Variants in LRIG1 observed in about 807,000 individuals in gnomAD.
LRIG1 encodes leucine rich repeats and immunoglobulin like domains 1, also known as leucine-rich repeats and immunoglobulin-like domains protein 1.
LRIG1 carries 48 observed loss-of-function variants against 99.2 expected under a neutral mutation model. That is an observed-to-expected ratio of 0.48 (90% confidence interval 0.38 to 0.62). The LOEUF is 0.62. Ranked by LOEUF, LRIG1 falls within the 20% of genes least tolerant of loss-of-function variation. The pLI, the probability that LRIG1 is intolerant of heterozygous loss-of-function variation, is 0.00. For synonymous variants in LRIG1, 772 were observed against 596.1 expected, an observed-to-expected ratio of 1.29 and a Z score of -4.30; for missense variants, 1,646 against 1,434.4, an observed-to-expected ratio of 1.15 and a Z score of -2.38.
intron 1 of LRIG1, among the ~76,000 whole-genome samples, chr3:66,480,585 G>A (rs867476772): frequency 1.3e-4 from 19 of 151,790 alleles, no homozygotes; most frequent in Admixed American, 2.0e-4. Context: ...GCCCCTCTAC[G>A]TGCCAGGAGA....
At chr3:66,459,014 C>A (rs1488672266) in intron 2 of LRIG1, among the ~76,000 whole-genome samples, 947 of 121,444 alleles carry the variant, frequency 7.8e-3, no homozygotes, top group Middle Eastern at 0.012. Context: ...AACTCCATCT[C>A]AAAAAAAAAA....
intron 1 of LRIG1, among the ~76,000 whole-genome samples, chr3:66,495,681 T>C (rs1701210590): frequency 1.3e-5 from 2 of 152,228 alleles, no homozygotes; most frequent in South Asian, 2.1e-4. Flanking sequence ...TAAATAACTA[T>C]AGGCTATTTT....
intron 9 of LRIG1, chr3:66,401,673 A>T (rs1702061779): frequency 6.5e-7 from 1 of 1,528,684 alleles, no homozygotes; most frequent in South Asian, 1.2e-5. Flanking sequence ...GATGGCTCTA[A>T]TAAAAGGCTG....
chr3:66,440,702 T>C (rs566235051), intron 3 of LRIG1, among the ~76,000 whole-genome samples: 1 of 152,288 alleles, frequency 6.6e-6, no homozygotes, highest in South Asian at 2.1e-4. Flanking sequence ...CTGTCAGAGA[T>C]AGCAAGAGTG....
intron 1 of LRIG1, among the ~76,000 whole-genome samples, chr3:66,467,813 T>G (rs1163881752): frequency 6.6e-6 from 1 of 152,238 alleles, no homozygotes; most frequent in Non-Finnish European, 1.5e-5. Context: ...TATATCTATA[T>G]CATGAAATAA....
intron 2 of LRIG1, among the ~76,000 whole-genome samples, chr3:66,460,279 G>A (rs965654666): frequency 6.6e-6 from 1 of 152,204 alleles, no homozygotes; most frequent in African/African-American, 2.4e-5. Flanking sequence ...GATGTACACA[G>A]AATTTGAATA....
At chr3:66,382,129 A>T in intron 16 of LRIG1, 144 bp downstream of exon 16, 1 of 889,102 alleles carries the variant, frequency 1.1e-6, no homozygotes, top group Non-Finnish European at 1.8e-6. Flanking sequence ...CCAAAATAGC[A>T]GCCCTTAGTC....
chr3:66,485,125 T>G (rs1700941959), intron 1 of LRIG1, among the ~76,000 whole-genome samples: 1 of 143,796 alleles, frequency 7.0e-6, no homozygotes, highest in South Asian at 2.2e-4. Flanking sequence ...ACCACTGTAC[T>G]CCAACCTGGG....
intron 1 of LRIG1, among the ~76,000 whole-genome samples, chr3:66,493,349 A>T (rs933833964): frequency 6.6e-6 from 1 of 152,228 alleles, no homozygotes; most frequent in Non-Finnish European, 1.5e-5. Context: ...GTAAACAGAC[A>T]TAACTATTTG....
intron 3 of LRIG1, among the ~76,000 whole-genome samples, chr3:66,440,608 T>C (rs1048985207): frequency 2.0e-5 from 3 of 152,114 alleles, no homozygotes; most frequent in Non-Finnish European, 4.4e-5. Context: ...CAGGGTTCAG[T>C]GTAGACAGCA....
chr3:66,489,058 G>A (rs1053326040), intron 1 of LRIG1, among the ~76,000 whole-genome samples: 1 of 152,168 alleles, frequency 6.6e-6, no homozygotes, highest in Admixed American at 6.5e-5. Context: ...CTTTGGGCCA[G>A]AGGGGAAAAG....
chr3:66,422,724 CA>C (rs750933272), intron 3 of LRIG1, among the ~76,000 whole-genome samples: 23 of 152,212 alleles, frequency 1.5e-4, no homozygotes, highest in Admixed American at 3.9e-4. Flanking sequence ...GGTATGTTTT[CA>C]GCAATGTCCC....
rs559482758 is a variant in LRIG1, at chr3:66,380,860, T to A, written c.2772A>T (p.Glu924Asp). The change falls in exon 18 of 19, where the codon GAA becomes GAT. Residue 924 changes from glutamate (E) to aspartate (D), a missense_variant and splice_region_variant. Glu to Asp is a conservative substitution (Grantham distance 45, BLOSUM62 2). Coordinates refer to ENST00000273261, the MANE Select transcript of LRIG1 (RefSeq NM_015541.3). The part of the protein sequence containing the change: ...AEGTPGPHKM[E>D]HGGRVVCSDC... Reference sequence around the variant, plus strand: ...CACTGCATACGACCCGGCCACCGTGTTCTGAAGGACAGCGCCAAAGATGGG... The same window carrying A: ...CACTGCATACGACCCGGCCACCGTGATCTGAAGGACAGCGCCAAAGATGGG... The A allele has an allele frequency of 1.2e-6, 2 of 1,613,560 alleles. No homozygotes were observed. Among genetic ancestry groups the A allele is most frequent in the East Asian group, 4.5e-5 (2 of 44,866 alleles).
chr3:66,463,651 G>A (rs969478153), intron 1 of LRIG1, among the ~76,000 whole-genome samples: 2 of 152,150 alleles, frequency 1.3e-5, no homozygotes, highest in Admixed American at 6.5e-5. Context: ...ACCCAGCCCC[G>A]TGTTTGCCAA....
chr3:66,449,156 C>T (rs1261759768), intron 3 of LRIG1, among the ~76,000 whole-genome samples: 1 of 152,224 alleles, frequency 6.6e-6, no homozygotes, highest in African/African-American at 2.4e-5. Flanking sequence ...GTCCTTTGCA[C>T]GGTCCACTTG....
intron 17 of LRIG1, 22 bp from the exon 18 acceptor site, chr3:66,380,883 G>A: frequency 3.1e-6 from 5 of 1,609,448 alleles, no homozygotes; most frequent in Non-Finnish European, 4.2e-6. Flanking sequence ...CGCCAAAGAT[G>A]GGTTAGAGTC....
rs1700869662 is a variant in LRIG1, at chr3:66,379,074, T to TTCTCAGTAACTCCC, written c.*1175_*1188dup. 6.6e-6 allele frequency: 1 copy of TTCTCAGTAACTCCC among 152,642 alleles called. No individual in the cohort carries two copies. The highest frequency in any genetic ancestry group is 6.5e-5 in the Admixed American group (1 of 15,276). 9.5% of individuals were successfully genotyped at this position (152,642 alleles called of 1,614,324 possible). On this transcript the variant is annotated 3_prime_UTR_variant, in exon 19 of 19. Transcript: ENST00000273261. The stretch of plus-strand genomic sequence containing the variant: ...CACCTGACAGTAATTGTTAACTATT[T>TTCTCAGTAACTCCC]TCTCAGTAACTCCCTTCAGCTTTTG...
rs1343502375 is a variant in LRIG1, at chr3:66,407,428, C to G, written c.999G>C (p.Leu333=). The change falls in exon 8 of 19, where the codon CTG becomes CTC. Residue 333 remains leucine, a synonymous_variant. Coordinates refer to ENST00000273261, the MANE Select transcript of LRIG1 (RefSeq NM_015541.3). ...AATTGTGGCTGAGACGCAGGACACT[C>G]AGGCTGCTCAGCTCGGCCAGGCTCT... The part of the protein sequence containing the change: ...DEESLAELSS[L]SVLRLSHNSI... 1 of 1,614,070 alleles carries G rather than the reference C, an allele frequency of 6.2e-7. No individual in the cohort carries two copies. The highest frequency in any genetic ancestry group is 8.5e-7 in the Non-Finnish European group (1 of 1,180,036).
At chr3:66,466,226 G>C (rs368059136) in intron 1 of LRIG1, among the ~76,000 whole-genome samples, 2 of 152,040 alleles carry the variant, frequency 1.3e-5, no homozygotes, top group Non-Finnish European at 1.5e-5. Flanking sequence ...TAGACATGGT[G>C]GGGGGAGGGT....
Sources: allele counts gnomAD v4.1 joint callset (sites outside exome capture counted in the v4.1 genomes callset), GRCh38; gene constraint gnomAD v4.1.1; transcripts MANE v1.5; gene names NCBI Gene and HGNC (gene_info 2026-07-23, HGNC 2026-07-21).